The following GPAT3 variants were observed in gnomAD, a reference collection of about 807,000 sequenced individuals.
GPAT3 encodes the protein glycerol-3-phosphate acyltransferase 3.
In GPAT3, 53 loss-of-function variants were observed where a neutral mutation model predicts 58.8. That is an observed-to-expected ratio of 0.90 (90% CI 0.72 to 1.13). The LOEUF (loss-of-function observed/expected upper bound fraction) is 1.13, where lower values mean the gene tolerates loss of function less well. Ranked by LOEUF, GPAT3 falls within the 50% of genes most tolerant of loss-of-function variation. The pLI, the probability that GPAT3 is intolerant of heterozygous loss-of-function variation, is 0.00. For missense variants in GPAT3, 511 were observed against 527.6 expected (o/e 0.97, Z 0.31); for synonymous variants, 197 against 187.4 (o/e 1.05, Z -0.42).
intron 2 of GPAT3, among the ~76,000 whole-genome samples, chr4:83,562,795 T>TATAGATAGATAGATAGATAGATAG (rs59104462): frequency 4.0e-5 from 6 of 150,508 alleles, no homozygotes; most frequent in African/African-American, 1.5e-4. Context: ...TAGAAAGAGA[T>TATAGATAGATAGATAGATAGATAG]ATAGATAGAT....
chr4:83,536,834 G>A, intron 1 of GPAT3, 71 bp downstream of exon 1: 1 of 1,463,340 alleles, frequency 6.8e-7, no homozygotes, highest in South Asian at 1.2e-5. Flanking sequence ...CAGTTCTCAA[G>A]GTCAGTGGTC....
At chr4:83,597,574 T>C in intron 9 of GPAT3, 59 bp downstream of exon 9, 1 of 1,237,692 alleles carries the variant, frequency 8.1e-7, no homozygotes. Flanking sequence ...ATTGGTAATT[T>C]TATTTTGGTA....
rs745536952 is a variant in GPAT3, at chr4:83,581,821, A to G, written c.468A>G (p.Leu156=). 5.0e-6 allele frequency: 8 copies of G among 1,609,792 alleles called. No homozygotes were observed. The South Asian group carries it at 8.8e-5, about 18-fold the overall frequency. Residue 156 remains leucine, a synonymous_variant, in exon 3 of 12, where the codon CTA becomes CTG. Coordinates refer to ENST00000264409, the MANE Select transcript of GPAT3 (RefSeq NM_032717.5). The stretch of plus-strand genomic sequence containing the variant: ...GCGTCATAGTGCGCTATTGTGTCCT[A>G]CTGCCTCTGAGGTAAGTCATATGCC... ...VLGVIVRYCV[L]LPLRVTLAFI... is the part of the protein sequence containing the mutation.
At chr4:83,580,860 G>A (rs1578187961) in intron 2 of GPAT3, among the ~76,000 whole-genome samples, 1 of 152,064 alleles carries the variant, frequency 6.6e-6, no homozygotes, top group Non-Finnish European at 1.5e-5. Flanking sequence ...ACTTTGGGAG[G>A]CAGAGGCAGG....
At chr4:83,565,530 G>A (rs6835060) in intron 2 of GPAT3, among the ~76,000 whole-genome samples, 36,108 of 151,588 alleles carry the variant, frequency 0.24, 4,462 homozygotes, top group East Asian at 0.31. Flanking sequence ...ACAGAATCTC[G>A]CTCTGTCACC....
At chr4:83,594,547 G>C (rs890771224) in intron 6 of GPAT3, among the ~76,000 whole-genome samples, 12 of 152,190 alleles carry the variant, frequency 7.9e-5, no homozygotes, top group Admixed American at 2.0e-4. Context: ...GTTTGAAAAG[G>C]TATTTCAGTG....
At chr4:83,597,670 C>T (rs1206241383) in intron 9 of GPAT3, among the ~76,000 whole-genome samples, 155 bp downstream of exon 9, 1 of 152,222 alleles carries the variant, frequency 6.6e-6, no homozygotes, top group Non-Finnish European at 1.5e-5. Flanking sequence ...CCTGCTTTCT[C>T]ATGTGCTCGC....
chr4:83,591,283 A>C (rs1184343543), intron 6 of GPAT3, among the ~76,000 whole-genome samples: 1 of 152,170 alleles, frequency 6.6e-6, no homozygotes, highest in Non-Finnish European at 1.5e-5. Flanking sequence ...TTACACAATC[A>C]TTAAGGGGAT....
intron 2 of GPAT3, among the ~76,000 whole-genome samples, chr4:83,574,344 T>A (rs1015558535): frequency 1.3e-5 from 2 of 152,264 alleles, no homozygotes; most frequent in Admixed American, 1.3e-4. Flanking sequence ...AAGAGTTCAC[T>A]CAGCTAATTT....
chr4:83,575,141 G>T (rs955810440), intron 2 of GPAT3, among the ~76,000 whole-genome samples: 7 of 152,060 alleles, frequency 4.6e-5, no homozygotes, highest in Non-Finnish European at 1.0e-4. Context: ...CTCCCAAAGT[G>T]CTGGGATTAC....
chr4:83,561,689 T>G (rs1725130666), intron 2 of GPAT3, among the ~76,000 whole-genome samples: 1 of 152,050 alleles, frequency 6.6e-6, no homozygotes, highest in Non-Finnish European at 1.5e-5. Context: ...TAAGCCCAAC[T>G]GTGCTAATCG....
rs1338545316 is a variant in GPAT3, at chr4:83,536,153, C to A, written c.-470C>A. The stretch of plus-strand genomic sequence containing the variant: ...GCCCGGTGCCAGCTCCGCCGGCGAC[C>A]GGTGTGCCAAAGTGCGGTGCTCCCG... On this transcript the variant is annotated 5_prime_UTR_variant, in exon 1 of 12. Transcript: ENST00000264409. The A allele has an allele frequency of 6.1e-6, 6 of 985,752 alleles. No individual in the cohort carries two copies. The highest frequency in any genetic ancestry group is 7.2e-6 in the Non-Finnish European group (6 of 830,220). The allele number at this position is 985,752 out of a possible 1,614,324, so 61.1% of individuals were successfully genotyped here. A position where few individuals can be genotyped will look rare whatever the true frequency, so the allele number is the denominator to read the frequency against.
At chr4:83,602,446 A>G (rs752975280) in intron 11 of GPAT3, among the ~76,000 whole-genome samples, 1 of 152,218 alleles carries the variant, frequency 6.6e-6, no homozygotes, top group Non-Finnish European at 1.5e-5. Flanking sequence ...TTTATTTGTC[A>G]TGTACCTATT....
chr4:83,574,673 T>A (rs886520357), intron 2 of GPAT3, among the ~76,000 whole-genome samples: 5 of 102,850 alleles, frequency 4.9e-5, no homozygotes, highest in African/African-American at 1.8e-4. Flanking sequence ...TTTTTTTTTT[T>A]TTTTAGAATT....
intron 6 of GPAT3, among the ~76,000 whole-genome samples, chr4:83,593,169 T>C (rs1726674394): frequency 1.4e-5 from 2 of 144,970 alleles, no homozygotes; most frequent in African/African-American, 5.0e-5. Flanking sequence ...GCCAGGACTT[T>C]TTTTTTTTTT....
chr4:83,562,208 A>AT (rs1725174821), intron 2 of GPAT3, among the ~76,000 whole-genome samples: 2 of 33,688 alleles, frequency 5.9e-5, no homozygotes, highest in Admixed American at 3.0e-4. Flanking sequence ...TAATATATAT[A>AT]TATTATATAT....
intron 2 of GPAT3, among the ~76,000 whole-genome samples, chr4:83,565,746 A>C (rs1725357488): frequency 2.0e-5 from 3 of 152,324 alleles, no homozygotes; most frequent in African/African-American, 7.2e-5. Context: ...AAGAGACAAA[A>C]TAAGAGTTTA....
intron 4 of GPAT3, 110 bp downstream of exon 4, chr4:83,587,439 A>ATT (rs568570818): frequency 9.9e-7 from 1 of 1,014,288 alleles, no homozygotes; most frequent in African/African-American, 1.6e-5. Flanking sequence ...TATTATTATT[A>ATT]TTTTTGAGAC....
chr4:83,543,484 T>C (rs1050223070), intron 1 of GPAT3, among the ~76,000 whole-genome samples: 5 of 152,162 alleles, frequency 3.3e-5, no homozygotes, highest in Admixed American at 1.3e-4. Context: ...TTCTTTATAC[T>C]CCTAGGTATA....
Sources: gnomAD v4.1 joint callset for allele counts (sites outside exome capture counted in the v4.1 genomes callset) on GRCh38, gnomAD v4.1.1 for gene constraint, MANE v1.5 for transcripts, NCBI Gene and HGNC (gene_info 2026-07-23, HGNC 2026-07-21) for gene names.